The following GNAQ variants were observed in gnomAD, a reference collection of about 807,000 sequenced individuals.
GNAQ encodes G protein subunit alpha q.
In GNAQ, 8 loss-of-function variants were observed where a neutral mutation model predicts 43.9. The ratio of observed to expected loss-of-function variants is 0.18; its 90% CI spans 0.11 to 0.33. The LOEUF is 0.33. GNAQ is among the 10% of genes least tolerant of loss of function. The probability of loss-of-function intolerance (pLI) is 1.00; values close to 1 mark genes in which losing one functional copy is unlikely to be tolerated. For synonymous variants in GNAQ, 155 were observed against 170.7 expected (o/e 0.91, Z 0.71); for missense variants, 158 against 450.8 (o/e 0.35, Z 5.88).
At chr9:77,743,983 AG>A (rs1825693705) in intron 5 of GNAQ, among the ~76,000 whole-genome samples, 1 of 152,236 alleles carries the variant, frequency 6.6e-6, no homozygotes, top group Non-Finnish European at 1.5e-5. Context: ...GGAATGTAAT[AG>A]CAATTCGGAT....
intron 1 of GNAQ, among the ~76,000 whole-genome samples, chr9:77,985,673 G>A (rs985278337): frequency 6.6e-6 from 1 of 151,904 alleles, no homozygotes; most frequent in Admixed American, 6.6e-5. Flanking sequence ...CAATCTCTCT[G>A]CCTCCCGGGT....
chr9:77,996,128 C>T (rs1305583883), intron 1 of GNAQ, among the ~76,000 whole-genome samples: 2 of 152,312 alleles, frequency 1.3e-5, no homozygotes, highest in South Asian at 2.1e-4. Flanking sequence ...TGGGAGGCTG[C>T]AGAACTGCCA....
chr9:77,779,588 GA>G (rs1826356352), intron 5 of GNAQ, among the ~76,000 whole-genome samples: 1 of 139,678 alleles, frequency 7.2e-6, no homozygotes, highest in Non-Finnish European at 1.5e-5. Context: ...TTGAAAACAG[GA>G]AATCAACAGA....
chr9:77,902,108 T>C (rs1227277021), intron 2 of GNAQ, among the ~76,000 whole-genome samples: 1 of 152,238 alleles, frequency 6.6e-6, no homozygotes, highest in East Asian at 1.9e-4. Flanking sequence ...TCTGAATTTA[T>C]ATTTATCATA....
intron 1 of GNAQ, among the ~76,000 whole-genome samples, chr9:77,994,553 A>G (rs1823545717): frequency 6.6e-6 from 1 of 152,140 alleles, no homozygotes; most frequent in Non-Finnish European, 1.5e-5. Flanking sequence ...TCCGGCAGCC[A>G]TATTAATTTA....
intron 1 of GNAQ, among the ~76,000 whole-genome samples, chr9:77,935,995 T>A (rs975600914): frequency 6.6e-6 from 1 of 152,150 alleles, no homozygotes; most frequent in Non-Finnish European, 1.5e-5. Flanking sequence ...GTATCACACC[T>A]TGAAATGTAT....
intron 2 of GNAQ, among the ~76,000 whole-genome samples, chr9:77,847,090 GATA>G (rs1827599104): frequency 6.6e-6 from 1 of 152,146 alleles, no homozygotes; most frequent in African/African-American, 2.4e-5. Context: ...GCCTTACTAG[GATA>G]ATCTTTCCCT....
chr9:77,970,360 C>T (rs964934167), intron 1 of GNAQ, among the ~76,000 whole-genome samples: 1 of 152,142 alleles, frequency 6.6e-6, no homozygotes, highest in Admixed American at 6.5e-5. Flanking sequence ...GTTTTCTTCC[C>T]AACTTGATTC....
At chr9:77,830,015 C>T (rs754881148) in intron 2 of GNAQ, among the ~76,000 whole-genome samples, 7 of 152,002 alleles carry the variant, frequency 4.6e-5, no homozygotes, top group African/African-American at 1.5e-4. Flanking sequence ...GTACAGGGCA[C>T]GATCATAGCT....
intron 1 of GNAQ, among the ~76,000 whole-genome samples, chr9:78,000,765 T>A (rs772405459): frequency 2.0e-5 from 3 of 152,200 alleles, no homozygotes; most frequent in African/African-American, 4.8e-5. Flanking sequence ...TAGCAAGTTC[T>A]TACTATTCAT....
intron 2 of GNAQ, among the ~76,000 whole-genome samples, chr9:77,843,420 C>T (rs750496775): frequency 2.6e-5 from 4 of 152,120 alleles, no homozygotes; most frequent in Non-Finnish European, 4.4e-5. Flanking sequence ...GGTCAAGGCC[C>T]AGTAAAATAA....
At chr9:77,772,543 A>G (rs1826242349) in intron 5 of GNAQ, among the ~76,000 whole-genome samples, 1 of 151,830 alleles carries the variant, frequency 6.6e-6, no homozygotes, top group Non-Finnish European at 1.5e-5. Context: ...TGGAATAGAA[A>G]CTCCCTTTTC....
At chr9:77,865,719 A>C (rs187545279) in intron 2 of GNAQ, among the ~76,000 whole-genome samples, 2 of 152,244 alleles carry the variant, frequency 1.3e-5, no homozygotes, top group Non-Finnish European at 2.9e-5. Context: ...TCTGGATCTC[A>C]GCTTTCTTTC....
intron 6 of GNAQ, among the ~76,000 whole-genome samples, chr9:77,726,015 AGTGT>A (rs142955619): frequency 6.6e-6 from 1 of 150,652 alleles, no homozygotes; most frequent in Non-Finnish European, 1.5e-5. Flanking sequence ...AAGAACCTCG[AGTGT>A]GTGTGTGTGT....
At chr9:78,012,853 G>C (rs992450437) in intron 1 of GNAQ, among the ~76,000 whole-genome samples, 1 of 152,128 alleles carries the variant, frequency 6.6e-6, no homozygotes, top group Non-Finnish European at 1.5e-5. Flanking sequence ...TGAAATCAAA[G>C]GGCTAAGAGT....
intron 2 of GNAQ, among the ~76,000 whole-genome samples, chr9:77,859,401 A>G (rs956092728): frequency 2.8e-4 from 42 of 152,376 alleles, no homozygotes; most frequent in African/African-American, 9.9e-4. Context: ...TAATAATTTC[A>G]TTAAATCAAT....
intron 1 of GNAQ, among the ~76,000 whole-genome samples, chr9:77,927,993 C>T (rs1829093966): frequency 6.6e-6 from 1 of 152,196 alleles, no homozygotes; most frequent in Non-Finnish European, 1.5e-5. Context: ...ACCACCTCAT[C>T]TGAACTTGGG....
At chr9:77,789,472 G>A (rs1199934466) in intron 5 of GNAQ, among the ~76,000 whole-genome samples, 1 of 151,990 alleles carries the variant, frequency 6.6e-6, no homozygotes, top group Non-Finnish European at 1.5e-5. Context: ...TTCTCAAACT[G>A]AAGGCTTATT....
chr9:77,872,683 C>T (rs1436257041), intron 2 of GNAQ, among the ~76,000 whole-genome samples: 1 of 152,176 alleles, frequency 6.6e-6, no homozygotes, highest in East Asian at 1.9e-4. Flanking sequence ...GATGTAAACG[C>T]TGAAGCCCAG....
Sources: gnomAD v4.1 joint callset for allele counts (sites outside exome capture counted in the v4.1 genomes callset) on GRCh38, gnomAD v4.1.1 for gene constraint, MANE v1.5 for transcripts, NCBI Gene and HGNC (gene_info 2026-07-23, HGNC 2026-07-21) for gene names.